Variants in UGT2B11 observed in about 807,000 individuals in gnomAD.
UGT2B11 encodes UDP-glucuronosyltransferase 2B11.
A neutral mutation model predicts 51.7 loss-of-function variants in UGT2B11; 49 were observed. The ratio of observed to expected loss-of-function variants is 0.95; its 90% CI spans 0.75 to 1.20. The LOEUF (loss-of-function observed/expected upper bound fraction) is 1.20, where lower values mean the gene tolerates loss of function less well. Ranked by LOEUF, UGT2B11 falls within the 50% of genes most tolerant of loss-of-function variation. The pLI is 0.00. For synonymous variants in UGT2B11, 273 were observed against 209.0 expected (o/e 1.31, Z -2.64); for missense variants, 810 against 622.1 (o/e 1.30, Z -3.21).
chr4:69,204,808 T>A (rs1318342012), intron 4 of UGT2B11, among the ~76,000 whole-genome samples, 159 bp from the exon 5 acceptor site: 1 of 151,758 alleles, frequency 6.6e-6, no homozygotes, highest in Non-Finnish European at 1.5e-5. Flanking sequence ...GTTTAGGAGA[T>A]GTAACTGAAA....
intron 1 of UGT2B11, among the ~76,000 whole-genome samples, chr4:69,213,253 T>C (rs1722143302): frequency 6.6e-6 from 1 of 151,798 alleles, no homozygotes; most frequent in South Asian, 2.1e-4. Context: ...AATATTATCA[T>C]TTAAGTAAAT....
chr4:69,211,495 G>T (rs1404171060), intron 2 of UGT2B11, among the ~76,000 whole-genome samples: 2 of 151,598 alleles, frequency 1.3e-5, no homozygotes, highest in African/African-American at 2.4e-5. Flanking sequence ...ACTTGCACAT[G>T]TTAAGTAGTT....
intron 5 of UGT2B11, among the ~76,000 whole-genome samples, chr4:69,202,113 G>GTAAT (rs1721680676): frequency 6.6e-6 from 1 of 151,662 alleles, no homozygotes; most frequent in Admixed American, 6.6e-5. Flanking sequence ...CAGTTCTTGG[G>GTAAT]TAATTCCATT....
chr4:69,222,798 A>C, the UGT2B11 span, among the ~76,000 whole-genome samples: 1 of 152,212 alleles, frequency 6.6e-6, no homozygotes, highest in South Asian at 2.1e-4. Flanking sequence ...GGGCATGCAC[A>C]TGAATGGGCC....
upstream of UGT2B11, among the ~76,000 whole-genome samples, chr4:69,218,963 G>A (rs151143739): frequency 6.6e-6 from 1 of 152,092 alleles, no homozygotes; most frequent in African/African-American, 2.4e-5. Context: ...TATAGTGAGA[G>A]GGAGCTGTCT....
chr4:69,207,815 C>T (rs1218794300), intron 3 of UGT2B11, among the ~76,000 whole-genome samples: 5 of 151,490 alleles, frequency 3.3e-5, no homozygotes, highest in Non-Finnish European at 7.4e-5. Flanking sequence ...ATAGAGGTGG[C>T]CCAAGAGTAA....
chr4:69,224,067 T>C, the UGT2B11 span, among the ~76,000 whole-genome samples: 2 of 152,160 alleles, frequency 1.3e-5, no homozygotes, highest in Admixed American at 6.5e-5. Context: ...AAAATGGCCA[T>C]GGAACGGAAA....
At chr4:69,205,171 G>T (rs1250981385) in intron 4 of UGT2B11, among the ~76,000 whole-genome samples, 1 of 151,644 alleles carries the variant, frequency 6.6e-6, no homozygotes, top group African/African-American at 2.4e-5. Flanking sequence ...TAATCCTGCA[G>T]GAGAGGAGAA....
intron 2 of UGT2B11, among the ~76,000 whole-genome samples, chr4:69,209,364 A>T (rs1447700767): frequency 2.0e-5 from 3 of 151,646 alleles, no homozygotes; most frequent in Non-Finnish European, 4.4e-5. Flanking sequence ...AGAATAGGAG[A>T]GGCCACCAGG....
chr4:69,215,449 G>A (rs1336320558), upstream of UGT2B11: 1 of 151,958 alleles, frequency 6.6e-6, no homozygotes, highest in African/African-American at 2.4e-5. Flanking sequence ...CCGTAGAATA[G>A]TGTAAATAAG....
At chr4:69,212,339 A>G (rs1722097069) in intron 2 of UGT2B11, among the ~76,000 whole-genome samples, 1 of 151,670 alleles carries the variant, frequency 6.6e-6, no homozygotes, top group Non-Finnish European at 1.5e-5. Context: ...TTTTACTTTA[A>G]TCAACCCTAC....
chr4:69,212,623 C>A lies in UGT2B11; in HGVS notation c.820G>T (p.Val274Phe). ...CAGTGGAATCCTCCAACAAAATCAA[C>A]GTTTGGTAAGAATGGATGAGGAAAT... ...FQFPHPFLPN[V>F]DFVGGFHCKP... is the part of the protein sequence containing the mutation. The change falls in exon 2 of 6, where the codon GTT (valine) becomes TTT (phenylalanine). Residue 274 changes from valine (V) to phenylalanine (F), a missense_variant. Physicochemically the swap from Val to Phe is conservative, Grantham distance 50. Transcript: ENST00000446444. The A allele has an allele frequency of 6.2e-7, 1 of 1,609,680 alleles. No individual in the cohort carries two copies. The highest frequency in any genetic ancestry group is 8.5e-7 in the Non-Finnish European group (1 of 1,177,400).
intron 2 of UGT2B11, among the ~76,000 whole-genome samples, chr4:69,210,634 TGTCA>T (rs1348762784): frequency 6.6e-6 from 1 of 151,544 alleles, no homozygotes; most frequent in Non-Finnish European, 1.5e-5. Flanking sequence ...CAATTTGCAC[TGTCA>T]GTTTCCCTTA....
chr4:69,212,034 A>G (rs1365705615), intron 2 of UGT2B11, among the ~76,000 whole-genome samples: 1 of 151,214 alleles, frequency 6.6e-6, no homozygotes, highest in Admixed American at 6.6e-5. Context: ...TCTTTTACCT[A>G]TTCCTGCATA....
At chr4:69,205,112 A>G (rs549338447) in intron 4 of UGT2B11, among the ~76,000 whole-genome samples, 1 of 151,776 alleles carries the variant, frequency 6.6e-6, no homozygotes, top group East Asian at 2.0e-4. Context: ...TCCAGAAAAT[A>G]CAGAGTTACT....
At chr4:69,215,790 C>G (rs574695332), upstream of UGT2B11, 19 of 152,046 alleles carry the variant, frequency 1.2e-4, no homozygotes, top group Admixed American at 8.5e-4. Context: ...TTGTCTTTCA[C>G]ATAACCAAAA....
Position 69,200,447 on chromosome 4 carries a change from C to A in UGT2B11, c.1583G>T (p.Arg528Ile). Residue 528 changes from arginine to isoleucine, a missense_variant, in exon 6 of 6, where the codon AGA (arginine) becomes ATA (isoleucine). By Grantham distance (97) the Arg-to-Ile change is moderately conservative. Transcript: ENST00000446444. ...KFARKGKKGK[R>I]D ...TTCAAATGTCAGACATAACTAATCTCTTTTTCCCTTCTTCCCTTTTCTAGC... is the reference window on the plus strand; with the variant it reads ...TTCAAATGTCAGACATAACTAATCTATTTTTCCCTTCTTCCCTTTTCTAGC... 6.2e-7 allele frequency: 1 copy of A among 1,606,516 alleles called. No individual in the cohort carries two copies.
At chr4:69,210,501 G>A (rs576071028) in intron 2 of UGT2B11, among the ~76,000 whole-genome samples, 27 of 151,662 alleles carry the variant, frequency 1.8e-4, no homozygotes, top group Middle Eastern at 3.4e-3. Context: ...TTTCACAACC[G>A]TTGACTTGCA....
At chr4:69,204,071 T>G (rs983365605) in intron 5 of UGT2B11, among the ~76,000 whole-genome samples, 1 of 151,632 alleles carries the variant, frequency 6.6e-6, no homozygotes, top group Non-Finnish European at 1.5e-5. Context: ...ATAGTTATAT[T>G]CTGAGTCATT....
Sources: gnomAD v4.1 joint callset for allele counts (sites outside exome capture counted in the v4.1 genomes callset) on GRCh38, gnomAD v4.1.1 for gene constraint, MANE v1.5 for transcripts, NCBI Gene and HGNC (gene_info 2026-07-23, HGNC 2026-07-21) for gene names.